The following LRRC75A variants were observed in gnomAD, a reference collection of about 807,000 sequenced individuals.
The protein encoded by LRRC75A is leucine rich repeat containing 75A.
Under a neutral mutation model 26.0 loss-of-function variants are expected in LRRC75A, and 12 were observed. The ratio of observed to expected loss-of-function variants is 0.46; its 90% CI spans 0.30 to 0.75. The LOEUF (loss-of-function observed/expected upper bound fraction) is 0.75, where lower values mean the gene tolerates loss of function less well. Ranked by LOEUF, LRRC75A falls within the 30% of genes least tolerant of loss-of-function variation. The pLI, the probability that LRRC75A is intolerant of heterozygous loss-of-function variation, is 0.08. For synonymous variants in LRRC75A, 223 were observed against 219.3 expected, an observed-to-expected ratio of 1.02 and a Z score of -0.15; for missense variants, 410 against 486.6, an observed-to-expected ratio of 0.84 and a Z score of 1.48.
chr17:16,466,456 A>C (rs543860709), intron 1 of LRRC75A, among the ~76,000 whole-genome samples: 2 of 152,258 alleles, frequency 1.3e-5, no homozygotes, highest in East Asian at 3.9e-4. Context: ...CTAGTCTTGG[A>C]GGGGCTGGTT....
chr17:16,460,343 C>T (rs2093718111), intron 2 of LRRC75A, among the ~76,000 whole-genome samples: 1 of 152,216 alleles, frequency 6.6e-6, no homozygotes. Context: ...CCGCCTCTAC[C>T]CAGATGGAAA....
intron 1 of LRRC75A, chr17:16,478,794 A>G (rs7213938): frequency 0.012 from 1,829 of 152,282 alleles, 44 homozygotes; most frequent in African/African-American, 0.042. Context: ...AATCCTGCCT[A>G]AGACTGTTTT....
intron 1 of LRRC75A, among the ~76,000 whole-genome samples, chr17:16,471,181 AG>A (rs2093804768): frequency 6.6e-6 from 1 of 152,234 alleles, no homozygotes; most frequent in Non-Finnish European, 1.5e-5. Context: ...GACACAGAGA[AG>A]GCAGCAATGT....
intron 2 of LRRC75A, among the ~76,000 whole-genome samples, chr17:16,460,263 A>G (rs140186816): frequency 2.1e-4 from 32 of 152,218 alleles, no homozygotes; most frequent in African/African-American, 7.5e-4. Context: ...TTTGTAAGCC[A>G]CCCAGTCTAC....
intron 2 of LRRC75A, among the ~76,000 whole-genome samples, chr17:16,458,371 T>C (rs546593977): frequency 8.7e-4 from 133 of 152,220 alleles, no homozygotes; most frequent in African/African-American, 3.0e-3. Flanking sequence ...TTATCACCTG[T>C]TGTGGGATAA....
At chr17:16,461,820 C>T (rs2093729774) in intron 2 of LRRC75A, among the ~76,000 whole-genome samples, 1 of 152,156 alleles carries the variant, frequency 6.6e-6, no homozygotes, top group African/African-American at 2.4e-5. Context: ...AGAGAGAGGG[C>T]TGGATTTGAA....
chr17:16,459,113 C>T (rs980287439), intron 2 of LRRC75A, among the ~76,000 whole-genome samples: 3 of 152,216 alleles, frequency 2.0e-5, no homozygotes, highest in African/African-American at 7.2e-5. Flanking sequence ...TCTCTTCAAA[C>T]TTCACAATGG....
intron 1 of LRRC75A, among the ~76,000 whole-genome samples, chr17:16,481,398 C>CT (rs1239878577): frequency 2.0e-5 from 3 of 152,176 alleles, no homozygotes; most frequent in African/African-American, 7.2e-5. Flanking sequence ...TGTAAATCTC[C>CT]TTTTGAGTCT....
intron 1 of LRRC75A, among the ~76,000 whole-genome samples, chr17:16,469,661 C>T (rs754342197): frequency 7.2e-5 from 11 of 152,326 alleles, no homozygotes; most frequent in Non-Finnish European, 1.0e-4. Context: ...ACATCTTCAC[C>T]CACTTCATGG....
chr17:16,484,442 T>C (rs1183869695), intron 1 of LRRC75A, among the ~76,000 whole-genome samples: 2 of 152,092 alleles, frequency 1.3e-5, no homozygotes, highest in African/African-American at 2.4e-5. Context: ...CATGTGCAGA[T>C]TGGGGAGGTG....
At chr17:16,476,732 ATTTTTT>A (rs1170298700) in intron 1 of LRRC75A, among the ~76,000 whole-genome samples, 1 of 75,514 alleles carries the variant, frequency 1.3e-5, no homozygotes. Context: ...TGCCTGGCTG[ATTTTTT>A]TTTTTTTTTT....
intron 1 of LRRC75A, among the ~76,000 whole-genome samples, chr17:16,472,761 G>A (rs1038920927): frequency 1.7e-4 from 26 of 152,268 alleles, no homozygotes; most frequent in African/African-American, 6.0e-4. Context: ...GCAGAACACC[G>A]GAAGTGGATT....
At chr17:16,476,960 A>T (rs8070002) in intron 1 of LRRC75A, among the ~76,000 whole-genome samples, 22 of 150,852 alleles carry the variant, frequency 1.5e-4, no homozygotes, top group Admixed American at 3.3e-4. Flanking sequence ...GGATGGTCTC[A>T]ATCTCCTGAC....
intron 1 of LRRC75A, among the ~76,000 whole-genome samples, chr17:16,485,484 G>C (rs2093844231): frequency 6.6e-6 from 1 of 152,166 alleles, no homozygotes; most frequent in Non-Finnish European, 1.5e-5. Context: ...GAATCTGCCA[G>C]CACCTTCATC....
intron 2 of LRRC75A, among the ~76,000 whole-genome samples, chr17:16,459,031 C>A (rs1272406787): frequency 2.6e-5 from 4 of 152,234 alleles, no homozygotes; most frequent in African/African-American, 4.8e-5. Context: ...CAACTTCCTA[C>A]TACTGCTGTC....
Position 16,443,734 on chromosome 17 carries a change from T to C in LRRC75A, c.889A>G (p.Thr297Ala). 1.2e-6 allele frequency: 2 copies of C among 1,613,544 alleles called. No homozygotes were observed. The highest frequency in any genetic ancestry group is 1.7e-6 in the Non-Finnish European group (2 of 1,179,702). ...KRSPKQGHLP[T>A]ILELGEGPGS... Reference sequence around the variant, plus strand: ...GGGCCCTCACCCAGCTCCAGGATGGTGGGTAGGTGGCCCTGCTTTGGGGAG... The same window carrying C: ...GGGCCCTCACCCAGCTCCAGGATGGCGGGTAGGTGGCCCTGCTTTGGGGAG... The change falls in exon 4 of 4, where the codon ACC (threonine) becomes GCC (alanine). Residue 297 changes from threonine to alanine, a missense_variant. Transcript: ENST00000470794.
Position 16,462,498 on chromosome 17 carries a change from C to A in LRRC75A, c.247-112G>T. ...TAGAGGCGACTCTGCCTCCCAGAGC[C>A]CCGGTGGGGAGCATCTGCAGAACTT... On this transcript the variant is annotated intron_variant, in intron 1 of 3. Transcript: ENST00000470794. This position sits in a 1 kb window ranked among gnomAD's most constrained non-coding sequence, Gnocchi z 4.6. 1 of 1,421,062 alleles carries A rather than the reference C, an allele frequency of 7.0e-7. No homozygotes were observed. The allele number at this position is 1,421,062 out of a possible 1,614,324, so 88.0% of individuals were successfully genotyped here. A position where few individuals can be genotyped will look rare whatever the true frequency, so the allele number is the denominator to read the frequency against.
rs2093859191 is a variant in LRRC75A, at chr17:16,492,183, C to G, written c.-193G>C. On this transcript the variant is annotated 5_prime_UTR_variant, in exon 1 of 4. Coordinates refer to ENST00000470794, the MANE Select transcript of LRRC75A (RefSeq NM_001113567.3). Reference sequence around the variant, plus strand: ...CCCGCGCTCCTCCCTCTTGGCTACCCGGGCGCGCTCCCCGGGCGCTCGCCG... The same window carrying G: ...CCCGCGCTCCTCCCTCTTGGCTACCGGGGCGCGCTCCCCGGGCGCTCGCCG... 3.5e-6 allele frequency: 1 copy of G among 285,398 alleles called. No homozygotes were observed. The highest frequency in any genetic ancestry group is 5.2e-6 in the Non-Finnish European group (1 of 192,586). The allele number at this position is 285,398 out of a possible 1,614,324, so 17.7% of individuals were successfully genotyped here. A position where few individuals can be genotyped will look rare whatever the true frequency, so the allele number is the denominator to read the frequency against.
chr17:16,455,896 T>C (rs2093673104), intron 2 of LRRC75A, among the ~76,000 whole-genome samples: 1 of 152,190 alleles, frequency 6.6e-6, no homozygotes. Flanking sequence ...GTTTCTATCA[T>C]TTACAACCAG....
Sources: gnomAD v4.1 joint callset for allele counts (sites outside exome capture counted in the v4.1 genomes callset) on GRCh38, gnomAD v4.1.1 for gene constraint, Gnocchi (gnomAD v3.1) non-coding constraint, MANE v1.5 for transcripts, NCBI Gene and HGNC (gene_info 2026-07-23, HGNC 2026-07-21) for gene names.